The following ALOX15B variants were observed in gnomAD, a reference collection of about 807,000 sequenced individuals.
ALOX15B encodes the protein polyunsaturated fatty acid lipoxygenase ALOX15B.
ALOX15B carries 74 observed loss-of-function variants against 73.8 expected under a neutral mutation model. That is an observed-to-expected ratio of 1.00 (90% confidence interval 0.83 to 1.22). The LOEUF (loss-of-function observed/expected upper bound fraction) is 1.22, where lower values mean the gene tolerates loss of function less well. Among genes scored for constraint, ALOX15B ranks in the 50% most tolerant of loss-of-function variants. The pLI, the probability that ALOX15B is intolerant of heterozygous loss-of-function variation, is 0.00. For synonymous variants in ALOX15B, 353 were observed against 357.2 expected, an observed-to-expected ratio of 0.99 and a Z score of 0.13; for missense variants, 896 against 859.9, an observed-to-expected ratio of 1.04 and a Z score of -0.52.
Position 8,047,738 on chromosome 17 carries a change from C to A in ALOX15B, c.1681-7C>A, listed in dbSNP as rs1976652538. ...CCTCAGCCTCATTCTGCCCTCTCGG[C>A]CTTCAGTTTGACTCCTGTGCTTGGA... On this transcript the variant is annotated splice_polypyrimidine_tract_variant and splice_region_variant and intron_variant, in intron 12 of 13. Coordinates refer to ENST00000380183, the MANE Select transcript of ALOX15B (RefSeq NM_001141.3). The A allele has an allele frequency of 6.2e-7, 1 of 1,614,016 alleles. No homozygotes were observed. Among genetic ancestry groups the A allele is most frequent in the Non-Finnish European group, 8.5e-7 (1 of 1,180,016 alleles).
chr17:8,048,102 G>C (rs372460690), intron 13 of ALOX15B, among the ~76,000 whole-genome samples, 187 bp downstream of exon 13: 4 of 152,186 alleles, frequency 2.6e-5, no homozygotes, highest in Admixed American at 6.5e-5. Context: ...GCGATGATGC[G>C]GAGCCACTCT....
rs1266343233 is a variant in ALOX15B, at chr17:8,044,145, AAGGAAG to A, written c.677-683_677-678del. 2.9e-3 allele frequency among the ~76,000 whole-genome samples: 436 copies of A among 149,952 alleles called. 15 individuals are homozygous for A. The highest frequency in any genetic ancestry group is 8.8e-3 in the African/African-American group (356 of 40,634). On this transcript the variant is annotated intron_variant, in intron 5 of 13. Transcript: ENST00000380183. ...GAAGGAAGGAAGGAAGGAAGGAAGG[AAGGAAG>A]GAAAGAAAGAAAAGGAAAAAGGAAA... is the stretch of plus-strand genomic sequence containing the variant.
intron 4 of ALOX15B, 105 bp downstream of exon 4, chr17:8,042,596 A>G: frequency 1.3e-6 from 2 of 1,499,912 alleles, no homozygotes; most frequent in Non-Finnish European, 1.8e-6. Flanking sequence ...TATGAGTCAC[A>G]TAGTCCTGCC....
Sources: gnomAD v4.1 joint callset for allele counts (sites outside exome capture counted in the v4.1 genomes callset) on GRCh38, gnomAD v4.1.1 for gene constraint, MANE v1.5 for transcripts, NCBI Gene and HGNC (gene_info 2026-07-23, HGNC 2026-07-21) for gene names.